The following SAMD12 variants were observed in gnomAD, a reference collection of about 807,000 sequenced individuals.
The protein encoded by SAMD12 is sterile alpha motif domain containing 12.
A neutral mutation model predicts 15.0 loss-of-function variants in SAMD12; 9 were observed. The ratio of observed to expected loss-of-function variants is 0.60; its 90% CI spans 0.36 to 1.05. SAMD12 has a LOEUF of 1.05. Ranked by LOEUF, SAMD12 falls within the 50% of genes least tolerant of loss-of-function variation. The pLI, the probability that SAMD12 is intolerant of heterozygous loss-of-function variation, is 0.01. For synonymous variants in SAMD12, 86 were observed against 90.1 expected (o/e 0.96, Z 0.25); for missense variants, 230 against 234.2 (o/e 0.98, Z 0.12).
chr8:118,386,840 G>C (rs569057469), intron 3 of SAMD12, among the ~76,000 whole-genome samples: 1 of 152,290 alleles, frequency 6.6e-6, no homozygotes, highest in African/African-American at 2.4e-5. Context: ...AAATGACAGG[G>C]GAAGCTGGAG....
At chr8:118,382,451 C>CA in intron 3 of SAMD12, among the ~76,000 whole-genome samples, 1 of 152,308 alleles carries the variant, frequency 6.6e-6, no homozygotes, top group African/African-American at 2.4e-5. Flanking sequence ...CCAGCCTTTC[C>CA]AAAAATGCAT....
chr8:118,593,260 T>A (rs1218832997), intron 1 of SAMD12, among the ~76,000 whole-genome samples: 1 of 152,128 alleles, frequency 6.6e-6, no homozygotes, highest in Non-Finnish European at 1.5e-5. Flanking sequence ...TTTAAAAACT[T>A]GCAGTGGTCC....
intron 2 of SAMD12, among the ~76,000 whole-genome samples, chr8:118,488,631 T>C (rs948356825): frequency 1.3e-5 from 2 of 152,224 alleles, no homozygotes; most frequent in Non-Finnish European, 2.9e-5. Context: ...TGATACAGCA[T>C]ACAGTCTTCT....
chr8:118,231,451 TGG>T (rs1161671485), intron 4 of SAMD12, among the ~76,000 whole-genome samples: 1 of 152,158 alleles, frequency 6.6e-6, no homozygotes. Context: ...ACCTATATCC[TGG>T]GTATTGTGCC....
exon 5 of SAMD12, chr8:118,191,780 A>ATT (rs1819391172): frequency 2.3e-5 from 1 of 43,858 alleles, no homozygotes; most frequent in Non-Finnish European, 4.5e-5. Flanking sequence ...ATATATATAT[A>ATT]TATATATATA....
At chr8:118,393,026 A>C (rs1376875786) in intron 3 of SAMD12, among the ~76,000 whole-genome samples, 1 of 152,180 alleles carries the variant, frequency 6.6e-6, no homozygotes, top group Non-Finnish European at 1.5e-5. Flanking sequence ...CAGGTTGCTG[A>C]GGAGGCAAAA....
chr8:118,421,534 G>A (rs1005132682), intron 3 of SAMD12, among the ~76,000 whole-genome samples: 3 of 152,140 alleles, frequency 2.0e-5, no homozygotes, highest in African/African-American at 7.2e-5. Context: ...TAATAGCATT[G>A]TTCTATCCAA....
intron 2 of SAMD12, among the ~76,000 whole-genome samples, chr8:118,488,646 C>G (rs1042768782): frequency 8.5e-5 from 13 of 152,216 alleles, no homozygotes; most frequent in African/African-American, 3.1e-4. Flanking sequence ...TCTTCTGTGT[C>G]TGGCTCCTTT....
intron 4 of SAMD12, among the ~76,000 whole-genome samples, chr8:118,275,527 C>A (rs1259103121): frequency 6.6e-6 from 1 of 152,184 alleles, no homozygotes; most frequent in Admixed American, 6.5e-5. Flanking sequence ...AACTCACTCA[C>A]ATGCAAAAAT....
At chr8:118,509,695 A>G (rs1160431715) in intron 2 of SAMD12, among the ~76,000 whole-genome samples, 1 of 152,160 alleles carries the variant, frequency 6.6e-6, no homozygotes, top group Non-Finnish European at 1.5e-5. Flanking sequence ...TTATTTTTCA[A>G]TGAAAATTTT....
At chr8:118,169,605 C>A in the SAMD12 span, among the ~76,000 whole-genome samples, 2 of 152,178 alleles carry the variant, frequency 1.3e-5, no homozygotes, top group South Asian at 2.1e-4. Flanking sequence ...GTCTATCAGG[C>A]AGCTGCACCA....
chr8:118,337,571 T>C (rs1047835232), intron 4 of SAMD12, among the ~76,000 whole-genome samples: 98 of 152,286 alleles, frequency 6.4e-4, no homozygotes, highest in African/African-American at 2.3e-3. Context: ...AGTTTTAAGT[T>C]ACATACCATT....
intron 2 of SAMD12, among the ~76,000 whole-genome samples, chr8:118,572,017 G>C (rs1341500996): frequency 6.6e-6 from 1 of 152,216 alleles, no homozygotes; most frequent in Non-Finnish European, 1.5e-5. Flanking sequence ...CATGAAAGCA[G>C]CCAGGAGGGA....
intron 4 of SAMD12, among the ~76,000 whole-genome samples, chr8:118,311,215 GCTTCCTTAT>G (rs1815614720): frequency 6.6e-6 from 1 of 152,132 alleles, no homozygotes; most frequent in Non-Finnish European, 1.5e-5. Flanking sequence ...TTGCAGTATT[GCTTCCTTAT>G]ATGATAAAAG....
chr8:118,206,551 A>C (rs1204844641), intron 4 of SAMD12, among the ~76,000 whole-genome samples: 1 of 152,196 alleles, frequency 6.6e-6, no homozygotes, highest in African/African-American at 2.4e-5. Context: ...TTAAACACTA[A>C]AGTATCCTGC....
intron 2 of SAMD12, among the ~76,000 whole-genome samples, chr8:118,471,530 G>C (rs1036226057): frequency 6.6e-6 from 1 of 152,146 alleles, no homozygotes; most frequent in African/African-American, 2.4e-5. Flanking sequence ...AGGAGAATAG[G>C]CCAAAGAAAC....
At chr8:118,492,137 T>C (rs1184597173) in intron 2 of SAMD12, among the ~76,000 whole-genome samples, 1 of 151,752 alleles carries the variant, frequency 6.6e-6, no homozygotes, top group Non-Finnish European at 1.5e-5. Context: ...TTTTTTTTTT[T>C]TTAAGTTTTA....
rs1388535209 is a variant in SAMD12 at position 118,305,870 on chromosome 8, T to C, written c.433+73690A>G. The stretch of plus-strand genomic sequence containing the variant: ...AGGTAGTTTTAGCCAATGTGAAGCA[T>C]TGGAAGGAGGCCGAGGGACAGAAGA... On this transcript the variant is annotated intron_variant, in intron 4 of 4. Transcript: ENST00000409003. Among the ~76,000 whole-genome samples, 8 of 152,102 alleles carry C rather than the reference T, an allele frequency of 5.3e-5. No individual in the cohort carries two copies. The East Asian group carries it at 1.4e-3, about 26-fold the overall frequency.
intron 1 of SAMD12, among the ~76,000 whole-genome samples, chr8:118,581,637 G>A (rs1387172949): frequency 1.3e-5 from 2 of 152,130 alleles, no homozygotes; most frequent in Non-Finnish European, 2.9e-5. Flanking sequence ...CTGATTTTCT[G>A]GGGATATTTA....
Sources: gnomAD v4.1 joint callset for allele counts (sites outside exome capture counted in the v4.1 genomes callset) on GRCh38, gnomAD v4.1.1 for gene constraint, MANE v1.5 for transcripts, NCBI Gene and HGNC (gene_info 2026-07-23, HGNC 2026-07-21) for gene names.